BLZF1: variants seen among roughly 807,000 people sequenced by gnomAD.
BLZF1 encodes the protein golgin-45.
BLZF1 carries 39 observed loss-of-function variants against 43.8 expected under a neutral mutation model. The observed-to-expected ratio is 0.89, with a 90% confidence interval of 0.69 to 1.16. The LOEUF is 1.16. Ranked by LOEUF, BLZF1 falls within the 50% of genes most tolerant of loss-of-function variation. The pLI, the probability that BLZF1 is intolerant of heterozygous loss-of-function variation, is 0.00. For missense variants in BLZF1, 449 were observed against 469.8 expected (o/e 0.96, Z 0.41); for synonymous variants, 136 against 159.4 (o/e 0.85, Z 1.11).
At position 169,380,624 on chromosome 1, in the gene BLZF1, T is replaced by C. The variant is rs754666237; in HGVS notation, c.797+15T>C. On this transcript the variant is annotated intron_variant, in intron 5 of 6. Coordinates refer to ENST00000367808, the MANE Select transcript of BLZF1 (RefSeq NM_001320973.2). ...GCTACCCAGAAGTATGGCACTTGTT[T>C]ACATTCTGAACTCTTCTGCTTTCTC... The C allele has an allele frequency of 1.9e-6, 3 of 1,611,542 alleles. No homozygotes were observed. Among genetic ancestry groups the C allele is most frequent in the Non-Finnish European group, 2.5e-6 (3 of 1,178,326 alleles).
intron 5 of BLZF1, 93 bp from the exon 6 acceptor site, chr1:169,381,969 A>G: frequency 1.0e-6 from 1 of 958,560 alleles, no homozygotes; most frequent in Non-Finnish European, 1.6e-6. Context: ...GATGTTATAT[A>G]ATTTCAGAAA....
chr1:169,380,423 AT>A, intron 4 of BLZF1, 57 bp from the exon 5 acceptor site: 1 of 1,502,776 alleles, frequency 6.7e-7, no homozygotes, highest in Non-Finnish European at 9.1e-7. Context: ...AGTATATTCA[AT>A]TTTTTACACT....
intron 6 of BLZF1, among the ~76,000 whole-genome samples, chr1:169,386,577 G>A (rs1179130779): frequency 6.6e-6 from 1 of 151,264 alleles, no homozygotes; most frequent in Non-Finnish European, 1.5e-5. Context: ...TACTCGGGAG[G>A]CAGAGGCAGG....
At position 169,376,689 on chromosome 1, in the gene BLZF1, C is replaced by G; in HGVS notation, c.178C>G (p.Pro60Ala). The change falls in exon 3 of 7, where the codon CCA becomes GCA. Residue 60 changes from proline to alanine, a missense_variant. Physicochemically the swap from Pro to Ala is conservative, Grantham distance 27 (BLOSUM62 -1). Transcript: ENST00000367808. Reference sequence around the variant, plus strand: ...GAAGAAAGCAGTTCCATCAGAGAGCCCAGGAGTTCTTCAGCTAGGGAAAAT... The same window carrying G: ...GAAGAAAGCAGTTCCATCAGAGAGCGCAGGAGTTCTTCAGCTAGGGAAAAT... ...PWKKAVPSES[P>A]GVLQLGKMLT... 1 of 1,613,258 alleles carries G rather than the reference C, an allele frequency of 6.2e-7. No individual in the cohort carries two copies. Among genetic ancestry groups the G allele is most frequent in the Non-Finnish European group, 8.5e-7 (1 of 1,179,582 alleles).
intron 7 of BLZF1, among the ~76,000 whole-genome samples, chr1:169,393,719 A>G (rs1654877814): frequency 6.6e-6 from 1 of 150,782 alleles, no homozygotes; most frequent in Non-Finnish European, 1.5e-5. Flanking sequence ...CTCATGCCTC[A>G]GCCTCCTGAG....
In BLZF1 at chr1:169,380,619, T is replaced by C. The variant is rs1654494293; in HGVS notation, c.797+10T>C. 6.2e-7 allele frequency: 1 copy of C among 1,611,732 alleles called. No individual in the cohort carries two copies. The highest frequency in any genetic ancestry group is 1.1e-5 in the South Asian group (1 of 90,912). ...TGATAGCTACCCAGAAGTATGGCACTTGTTTACATTCTGAACTCTTCTGCT... is the reference window on the plus strand; with the variant it reads ...TGATAGCTACCCAGAAGTATGGCACCTGTTTACATTCTGAACTCTTCTGCT... On this transcript the variant is annotated intron_variant, in intron 5 of 6. Transcript: ENST00000367808.
intron 2 of BLZF1, among the ~76,000 whole-genome samples, chr1:169,373,651 A>T (rs550509134): frequency 1.3e-5 from 2 of 152,306 alleles, no homozygotes; most frequent in Admixed American, 1.3e-4. Flanking sequence ...GAACAGTTTA[A>T]ATAAAGTTAA....
At chr1:169,375,384 T>C (rs1171037387) in intron 2 of BLZF1, among the ~76,000 whole-genome samples, 2 of 107,506 alleles carry the variant, frequency 1.9e-5, no homozygotes, top group East Asian at 5.3e-4. Flanking sequence ...AAAACATATA[T>C]ATATAAAACA....
At chr1:169,381,158 A>G (rs1323631349) in intron 5 of BLZF1, among the ~76,000 whole-genome samples, 1 of 152,110 alleles carries the variant, frequency 6.6e-6, no homozygotes, top group African/African-American at 2.4e-5. Flanking sequence ...TAATCAGGAA[A>G]AAAAGAGAAG....
At chr1:169,391,169 C>G (rs1654804055), downstream of BLZF1, among the ~76,000 whole-genome samples, 1 of 152,168 alleles carries the variant, frequency 6.6e-6, no homozygotes, top group Non-Finnish European at 1.5e-5. Context: ...GGTGTATAAC[C>G]AAGCCTTATT....
At chr1:169,390,771 T>A (rs1232609488), downstream of BLZF1, among the ~76,000 whole-genome samples, 1 of 152,198 alleles carries the variant, frequency 6.6e-6, no homozygotes, top group Non-Finnish European at 1.5e-5. Context: ...CCAGAGTAGC[T>A]TCTGTTGCAA....
intron 3 of BLZF1, 75 bp from the exon 4 acceptor site, chr1:169,378,255 C>A: frequency 7.0e-7 from 1 of 1,420,670 alleles, no homozygotes; most frequent in Non-Finnish European, 9.8e-7. Context: ...AACACAGTCT[C>A]TTTTTGTTAA....
At chr1:169,389,086 C>T (rs1185569216), downstream of BLZF1, among the ~76,000 whole-genome samples, 2 of 151,712 alleles carry the variant, frequency 1.3e-5, no homozygotes, top group East Asian at 1.9e-4. Context: ...CGCGCCGCTG[C>T]ACTCCAGCCT....
chr1:169,381,901 T>A (rs756481566), intron 5 of BLZF1, among the ~76,000 whole-genome samples, 161 bp from the exon 6 acceptor site: 1 of 152,196 alleles, frequency 6.6e-6, no homozygotes, highest in Non-Finnish European at 1.5e-5. Context: ...GTAGTCTAAC[T>A]TACTTGACTA....
At chr1:169,393,806 T>G (rs1654880205) in intron 7 of BLZF1, among the ~76,000 whole-genome samples, 1 of 152,038 alleles carries the variant, frequency 6.6e-6, no homozygotes, top group African/African-American at 2.4e-5. Context: ...TTCGCCATGT[T>G]GGCCAGGCCG....
intron 7 of BLZF1, among the ~76,000 whole-genome samples, chr1:169,394,302 T>C: frequency 6.6e-6 from 1 of 152,220 alleles, no homozygotes; most frequent in East Asian, 1.9e-4. Flanking sequence ...CCTAAAATAG[T>C]ATTACACATA....
intron 6 of BLZF1, among the ~76,000 whole-genome samples, chr1:169,384,106 T>G (rs1222812090): frequency 6.6e-6 from 1 of 151,900 alleles, no homozygotes; most frequent in Non-Finnish European, 1.5e-5. Context: ...CCCCTAAAAA[T>G]CTCCTCCTTT....
intron 5 of BLZF1, among the ~76,000 whole-genome samples, chr1:169,381,312 C>T (rs1199913268): frequency 1.3e-5 from 2 of 151,956 alleles, no homozygotes; most frequent in African/African-American, 4.8e-5. Flanking sequence ...CCATGAAAGA[C>T]AAACTACCAA....
intron 7 of BLZF1, chr1:169,395,081 G>T: frequency 1.2e-6 from 2 of 1,608,384 alleles, no homozygotes; most frequent in Non-Finnish European, 8.5e-7. Context: ...AAAAGGTTTG[G>T]CTTCTGACAT....
Sources: gnomAD v4.1 joint callset for allele counts (sites outside exome capture counted in the v4.1 genomes callset) on GRCh38, gnomAD v4.1.1 for gene constraint, MANE v1.5 for transcripts, NCBI Gene and HGNC (gene_info 2026-07-23, HGNC 2026-07-21) for gene names.